TTC7B: variants seen among roughly 807,000 people sequenced by gnomAD.
TTC7B encodes the protein tetratricopeptide repeat protein 7B.
A neutral mutation model predicts 106.8 loss-of-function variants in TTC7B; 28 were observed. The observed-to-expected ratio is 0.26, with a 90% CI of 0.19 to 0.36. The LOEUF (loss-of-function observed/expected upper bound fraction) is 0.36, where lower values mean the gene tolerates loss of function less well. Ranked by LOEUF, TTC7B falls within the 10% of genes least tolerant of loss-of-function variation. The pLI, the probability that TTC7B is intolerant of heterozygous loss-of-function variation, is 1.00. For missense variants in TTC7B, 862 were observed against 1,076.4 expected, an observed-to-expected ratio of 0.80 and a Z score of 2.79; for synonymous variants, 405 against 430.6, an observed-to-expected ratio of 0.94 and a Z score of 0.74.
At chr14:90,597,386 G>T (rs1364215391) in intron 17 of TTC7B, among the ~76,000 whole-genome samples, 1 of 152,144 alleles carries the variant, frequency 6.6e-6, no homozygotes, top group Non-Finnish European at 1.5e-5. Flanking sequence ...GGCCAGGCGC[G>T]GTGGCTCATG....
chr14:90,750,519 G>T (rs1371010346), intron 3 of TTC7B, among the ~76,000 whole-genome samples: 1 of 152,136 alleles, frequency 6.6e-6, no homozygotes, highest in Non-Finnish European at 1.5e-5. Flanking sequence ...TAAAATACTT[G>T]AAAACCAATC....
intron 11 of TTC7B, among the ~76,000 whole-genome samples, chr14:90,655,962 G>T (rs1885930016): frequency 6.6e-6 from 1 of 152,068 alleles, no homozygotes; most frequent in East Asian, 1.9e-4. Context: ...GTCACTGCTG[G>T]GAACTGGCAC....
At chr14:90,618,273 T>C (rs979146352) in intron 15 of TTC7B, among the ~76,000 whole-genome samples, 4 of 152,238 alleles carry the variant, frequency 2.6e-5, no homozygotes, top group African/African-American at 9.6e-5. Flanking sequence ...TGACTATTTG[T>C]GGTCAGGCTG....
intron 1 of TTC7B, among the ~76,000 whole-genome samples, chr14:90,804,324 T>C (rs1238991008): frequency 3.4e-5 from 5 of 146,928 alleles, no homozygotes; most frequent in Non-Finnish European, 7.5e-5. Flanking sequence ...ACAGCGAGAC[T>C]CCGTCTCAAA....
intron 5 of TTC7B, among the ~76,000 whole-genome samples, chr14:90,705,073 C>T (rs1163249696): frequency 6.6e-6 from 1 of 152,154 alleles, no homozygotes; most frequent in East Asian, 1.9e-4. Context: ...ACTAACAAAC[C>T]ACTGACATGG....
At chr14:90,789,843 C>T (rs368423142) in intron 1 of TTC7B, among the ~76,000 whole-genome samples, 88 of 150,248 alleles carry the variant, frequency 5.9e-4, no homozygotes, top group African/African-American at 1.8e-3. Context: ...TTGCAGTAAG[C>T]GGAGATCGCG....
chr14:90,722,827 G>A (rs1220993212), intron 5 of TTC7B, among the ~76,000 whole-genome samples: 3 of 152,044 alleles, frequency 2.0e-5, no homozygotes, highest in Non-Finnish European at 4.4e-5. Flanking sequence ...CTTTCACAAG[G>A]ACACACCCTC....
chr14:90,679,441 G>A (rs1886964109), intron 8 of TTC7B, among the ~76,000 whole-genome samples: 1 of 152,158 alleles, frequency 6.6e-6, no homozygotes, highest in South Asian at 2.1e-4. Context: ...AGGGCAAAAA[G>A]GGAAATGCCT....
chr14:90,654,836 G>A (rs1036886828), intron 12 of TTC7B, among the ~76,000 whole-genome samples, 157 bp downstream of exon 12: 3 of 152,196 alleles, frequency 2.0e-5, no homozygotes, highest in Admixed American at 1.3e-4. Flanking sequence ...ACCAAGCAAA[G>A]AGGACAGCAG....
At chr14:90,561,865 C>T (rs2139785044) in intron 19 of TTC7B, among the ~76,000 whole-genome samples, 1 of 152,282 alleles carries the variant, frequency 6.6e-6, no homozygotes, top group African/African-American at 2.4e-5. Context: ...CAAAGCCAGC[C>T]CCAAATGCTT....
intron 9 of TTC7B, among the ~76,000 whole-genome samples, chr14:90,664,325 G>C (rs1886324957): frequency 6.6e-6 from 1 of 152,106 alleles, no homozygotes; most frequent in African/African-American, 2.4e-5. Context: ...GCTGGAGTGT[G>C]GTAGCATAAT....
intron 3 of TTC7B, among the ~76,000 whole-genome samples, chr14:90,774,444 C>T (rs1326927317): frequency 6.6e-6 from 1 of 152,226 alleles, no homozygotes; most frequent in Non-Finnish European, 1.5e-5. Flanking sequence ...CACCGTTTAC[C>T]CCTCTGCATA....
intron 15 of TTC7B, among the ~76,000 whole-genome samples, chr14:90,620,916 C>T (rs1371845013): frequency 1.3e-5 from 2 of 152,170 alleles, no homozygotes; most frequent in Non-Finnish European, 2.9e-5. Context: ...GAGAACCAGA[C>T]AGGAAGAACA....
At chr14:90,571,296 C>G (rs537072962) in intron 19 of TTC7B, among the ~76,000 whole-genome samples, 17 of 152,318 alleles carry the variant, frequency 1.1e-4, no homozygotes, top group African/African-American at 3.4e-4. Context: ...TGTCACCAGA[C>G]AGAAGACAGA....
intron 5 of TTC7B, among the ~76,000 whole-genome samples, chr14:90,715,449 T>G (rs1028703953): frequency 1.3e-5 from 2 of 152,210 alleles, no homozygotes; most frequent in African/African-American, 4.8e-5. Context: ...GGAAACCCTC[T>G]ACTCTGTAGG....
At chr14:90,713,341 C>G (rs1352134041) in intron 5 of TTC7B, among the ~76,000 whole-genome samples, 2 of 152,128 alleles carry the variant, frequency 1.3e-5, no homozygotes, top group Non-Finnish European at 2.9e-5. Context: ...GTCTTAAACT[C>G]CTGACCTCAG....
intron 9 of TTC7B, 169 bp downstream of exon 9, chr14:90,676,354 C>T: frequency 1.6e-6 from 1 of 634,584 alleles, no homozygotes; most frequent in Non-Finnish European, 2.7e-6. Context: ...AATCATTTAG[C>T]CCAAGGCCCA....
intron 1 of TTC7B, among the ~76,000 whole-genome samples, chr14:90,804,327 G>A (rs2030470398): frequency 2.0e-5 from 3 of 149,670 alleles, no homozygotes; most frequent in Admixed American, 1.3e-4. Flanking sequence ...GCGAGACTCC[G>A]TCTCAAAAAA....
chr14:90,758,423 A>C (rs1469452741), intron 3 of TTC7B, among the ~76,000 whole-genome samples: 41 of 48,064 alleles, frequency 8.5e-4, no homozygotes, highest in Admixed American at 5.1e-4. Context: ...CGGGGACAGC[A>C]GTGAGCGGGG....
Sources: gnomAD v4.1 joint callset for allele counts (sites outside exome capture counted in the v4.1 genomes callset) on GRCh38, gnomAD v4.1.1 for gene constraint, MANE v1.5 for transcripts, NCBI Gene and HGNC (gene_info 2026-07-23, HGNC 2026-07-21) for gene names.